The following VMP1 variants were observed in gnomAD, a reference collection of about 807,000 sequenced individuals.
VMP1 encodes ectopic P-granules autophagy protein 3 homolog.
In VMP1, 11 loss-of-function variants were observed where a neutral mutation model predicts 56.0. The observed-to-expected ratio is 0.20, with a 90% CI of 0.12 to 0.32. VMP1 has a LOEUF of 0.32. VMP1 is among the 10% of genes least tolerant of loss of function. The probability of loss-of-function intolerance (pLI) is 1.00; values close to 1 mark genes in which losing one functional copy is unlikely to be tolerated. For synonymous variants in VMP1, 149 were observed against 165.0 expected, an observed-to-expected ratio of 0.90 and a Z score of 0.74; for missense variants, 296 against 490.3, an observed-to-expected ratio of 0.60 and a Z score of 3.74.
intron 5 of VMP1, among the ~76,000 whole-genome samples, chr17:59,751,562 T>A (rs1480821269): frequency 1.3e-5 from 2 of 150,488 alleles, no homozygotes; most frequent in Non-Finnish European, 3.0e-5. Context: ...GCCAACATGG[T>A]GAAACCCTGT....
intron 5 of VMP1, among the ~76,000 whole-genome samples, chr17:59,742,522 C>CAATAATAATAATAATAATAAT (rs71370113): frequency 7.0e-6 from 1 of 142,948 alleles, no homozygotes; most frequent in Non-Finnish European, 1.5e-5. Context: ...GTCTCAAAAA[C>CAATAATAATAATAATAATAAT]AATAATAATA....
At chr17:59,727,125 CTTTTTGTTTT>C (rs149780870) in intron 1 of VMP1, among the ~76,000 whole-genome samples, 5,595 of 151,772 alleles carry the variant, frequency 0.037, 372 homozygotes, top group African/African-American at 0.13. Flanking sequence ...GTCTGTTAGA[CTTTTTGTTTT>C]TTTTTGTTTT....
At chr17:59,744,848 T>C (rs1033200441) in intron 5 of VMP1, among the ~76,000 whole-genome samples, 4 of 151,824 alleles carry the variant, frequency 2.6e-5, no homozygotes, top group Non-Finnish European at 5.9e-5. Context: ...ATCCCCTGGG[T>C]TTAACAGAAA....
chr17:59,711,759 A>G (rs1195601160), intron 1 of VMP1, among the ~76,000 whole-genome samples: 1 of 152,250 alleles, frequency 6.6e-6, no homozygotes, highest in African/African-American at 2.4e-5. Flanking sequence ...TAAATTAAGC[A>G]AGGGCAATCT....
intron 2 of VMP1, 81 bp from the exon 3 acceptor site, chr17:59,735,257 C>G (rs1598310342): frequency 6.6e-7 from 1 of 1,516,664 alleles, no homozygotes; most frequent in Non-Finnish European, 8.9e-7. Context: ...GGAGATAAAA[C>G]TCTTTTCATC....
chr17:59,737,579 C>G lies in VMP1; in HGVS notation c.303+36C>G, dbSNP rs200132207. 207 of 1,548,664 alleles carry G rather than the reference C, an allele frequency of 1.3e-4. 3 individuals carry two copies. In the East Asian group the frequency reaches 4.7e-3, roughly 35 times the overall value. Reference sequence around the variant, plus strand: ...GAGCAATTCTGTTTCTAGTCTTGCACATTCTCTAATTCTCTAATCTCAGTT... The same window carrying G: ...GAGCAATTCTGTTTCTAGTCTTGCAGATTCTCTAATTCTCTAATCTCAGTT... On this transcript the variant is annotated intron_variant, in intron 4 of 11. Coordinates refer to ENST00000262291, the MANE Select transcript of VMP1 (RefSeq NM_030938.5).
At chr17:59,713,478 C>T (rs753582668) in intron 1 of VMP1, among the ~76,000 whole-genome samples, 3 of 151,682 alleles carry the variant, frequency 2.0e-5, no homozygotes, top group African/African-American at 7.3e-5. Context: ...AATACAAATA[C>T]GGGATAGTAT....
chr17:59,772,418 T>C (rs2036459969), intron 6 of VMP1, among the ~76,000 whole-genome samples: 1 of 152,164 alleles, frequency 6.6e-6, no homozygotes, highest in South Asian at 2.1e-4. Context: ...TCAGAGCATT[T>C]GGAGGCAGAA....
At chr17:59,765,947 T>TA (rs200315724) in intron 6 of VMP1, among the ~76,000 whole-genome samples, 2,097 of 151,744 alleles carry the variant, frequency 0.014, 42 homozygotes, top group African/African-American at 0.042. Flanking sequence ...AGATTGGTAA[T>TA]ATATAGTTAT....
intron 7 of VMP1, among the ~76,000 whole-genome samples, chr17:59,777,622 G>A (rs2144053583): frequency 6.6e-6 from 1 of 152,154 alleles, no homozygotes. Flanking sequence ...GACCAGCCTG[G>A]CCAACATGGT....
chr17:59,836,642 C>T (rs150822242), intron 10 of VMP1, among the ~76,000 whole-genome samples: 74 of 151,598 alleles, frequency 4.9e-4, no homozygotes, highest in African/African-American at 1.6e-3. Flanking sequence ...TGTGTGTGCG[C>T]ACACATGTGT....
intron 10 of VMP1, among the ~76,000 whole-genome samples, chr17:59,821,258 C>G (rs1348611527): frequency 6.6e-6 from 1 of 152,202 alleles, no homozygotes; most frequent in Non-Finnish European, 1.5e-5. Flanking sequence ...GTGTGAGCCA[C>G]TGCACCTGAC....
intron 5 of VMP1, among the ~76,000 whole-genome samples, chr17:59,757,515 AAG>A (rs2035888172): frequency 1.3e-5 from 2 of 152,324 alleles, no homozygotes; most frequent in South Asian, 2.1e-4. Context: ...CTTATGTAAA[AAG>A]AGTTTTTAAA....
chr17:59,804,345 G>A (rs1263300056), intron 7 of VMP1, among the ~76,000 whole-genome samples: 4 of 151,996 alleles, frequency 2.6e-5, no homozygotes, highest in East Asian at 1.9e-4. Flanking sequence ...CTGGCGCACC[G>A]GCTCAAGCCA....
intron 7 of VMP1, among the ~76,000 whole-genome samples, chr17:59,791,614 G>C (rs887195113): frequency 6.7e-6 from 1 of 149,742 alleles, no homozygotes; most frequent in Non-Finnish European, 1.5e-5. Context: ...GGGATTACAG[G>C]CCACCACGCC....
intron 5 of VMP1, among the ~76,000 whole-genome samples, chr17:59,762,773 GA>G (rs2036103842): frequency 6.6e-6 from 1 of 151,996 alleles, no homozygotes; most frequent in Admixed American, 6.6e-5. Flanking sequence ...TCAGAGACTT[GA>G]AAAAACATTC....
At chr17:59,799,963 G>T (rs1309078398) in intron 7 of VMP1, among the ~76,000 whole-genome samples, 1 of 147,148 alleles carries the variant, frequency 6.8e-6, no homozygotes, top group East Asian at 2.0e-4. Context: ...AAAAAAAAAA[G>T]GCTTATTTAA....
chr17:59,832,761 A>ATTTTTTTTTTTTTTTTTTTTTTTTTTT (rs71145580), intron 10 of VMP1, among the ~76,000 whole-genome samples: 1 of 101,346 alleles, frequency 9.9e-6, no homozygotes. Flanking sequence ...GCCTGGCAAT[A>ATTTTTTTTTTTTTTTTTTTTTTTTTTT]TTTTTTTTTT....
In VMP1 at chr17:59,793,362, G is replaced by A. The variant is rs2037309624; in HGVS notation, c.715-15434G>A. ...AGAATTTTCAAAAATTGTCATATGA[G>A]GAGTTACTGGCTTCAGACAGGAAAA... On this transcript the variant is annotated intron_variant, in intron 7 of 11. Transcript: ENST00000262291. 1.7e-5 allele frequency among the ~76,000 whole-genome samples: 2 copies of A among 115,430 alleles called. 1 individual carries two copies. Among genetic ancestry groups the A allele is most frequent in the Non-Finnish European group, 4.3e-5 (2 of 46,438 alleles). The allele number at this position is 115,430 out of a possible 152,430, so 75.7% of individuals were successfully genotyped here.
Sources: gnomAD v4.1 joint callset for allele counts (sites outside exome capture counted in the v4.1 genomes callset) on GRCh38, gnomAD v4.1.1 for gene constraint, MANE v1.5 for transcripts, NCBI Gene and HGNC (gene_info 2026-07-23, HGNC 2026-07-21) for gene names.